Variants in LCORL observed in about 807,000 individuals in gnomAD.
LCORL encodes the protein ligand-dependent nuclear receptor corepressor-like protein.
A neutral mutation model predicts 141.8 loss-of-function variants in LCORL; 41 were observed. The ratio of observed to expected loss-of-function variants is 0.29; its 90% CI spans 0.23 to 0.38. The LOEUF (loss-of-function observed/expected upper bound fraction) is 0.38, where lower values mean the gene tolerates loss of function less well. LCORL is among the 10% of genes least tolerant of loss of function. The pLI, the probability that LCORL is intolerant of heterozygous loss-of-function variation, is 1.00. For missense variants in LCORL, 1,759 were observed against 2,035.0 expected (o/e 0.86, Z 2.61); for synonymous variants, 618 against 694.1 (o/e 0.89, Z 1.72).
exon 2 of LCORL, chr4:17,972,846 A>G: frequency 6.9e-7 from 1 of 1,439,780 alleles, no homozygotes; most frequent in Non-Finnish European, 9.1e-7. Flanking sequence ...GTCTCTTCGT[A>G]GCCGTGGTCC....
At chr4:17,857,637 GT>G (rs1200803617) in intron 7 of LCORL, among the ~76,000 whole-genome samples, 11 of 152,182 alleles carry the variant, frequency 7.2e-5, no homozygotes, top group Non-Finnish European at 5.9e-5. Flanking sequence ...ATAATTCTTT[GT>G]TTTGGGGGGC....
exon 7 of LCORL, chr4:17,874,442 C>T: frequency 8.1e-7 from 1 of 1,233,818 alleles, no homozygotes; most frequent in African/African-American, 1.5e-5. Flanking sequence ...GTGAAAGAGA[C>T]TGTGTTTCTG....
At chr4:17,928,228 A>G (rs1410676436) in intron 4 of LCORL, among the ~76,000 whole-genome samples, 1 of 152,096 alleles carries the variant, frequency 6.6e-6, no homozygotes, top group Non-Finnish European at 1.5e-5. Context: ...GCAGTATGGT[A>G]AAACACCGTC....
At chr4:18,002,109 A>G (rs1431126176) in intron 1 of LCORL, among the ~76,000 whole-genome samples, 2 of 152,204 alleles carry the variant, frequency 1.3e-5, no homozygotes, top group Non-Finnish European at 2.9e-5. Context: ...AAACATTTTC[A>G]TTAAGTTATT....
chr4:17,907,087 T>C (rs1731760209), intron 5 of LCORL, among the ~76,000 whole-genome samples: 2 of 152,222 alleles, frequency 1.3e-5, no homozygotes, highest in Non-Finnish European at 2.9e-5. Context: ...CTTAGAAATA[T>C]TCTTTCTTAT....
chr4:17,962,339 G>T (rs1002949307), intron 3 of LCORL, among the ~76,000 whole-genome samples: 7 of 151,488 alleles, frequency 4.6e-5, no homozygotes, highest in Non-Finnish European at 7.4e-5. Context: ...CTATCGGAGA[G>T]TTTTAACAAC....
intron 2 of LCORL, among the ~76,000 whole-genome samples, chr4:17,963,658 G>C (rs1714303670): frequency 6.6e-6 from 1 of 151,440 alleles, no homozygotes; most frequent in South Asian, 2.1e-4. Flanking sequence ...TTTTCCAGAA[G>C]AATATTCCTT....
exon 7 of LCORL, chr4:17,876,008 T>C: frequency 8.1e-7 from 1 of 1,231,016 alleles, no homozygotes. Context: ...GGGTTGTAGG[T>C]TTTTCAGAAG....
At chr4:17,846,538 G>A (rs1722958486) in intron 7 of LCORL, among the ~76,000 whole-genome samples, 1 of 152,158 alleles carries the variant, frequency 6.6e-6, no homozygotes, top group African/African-American at 2.4e-5. Context: ...GCTCATCAGA[G>A]GAGCATGCGG....
chr4:17,920,501 G>GGGGT (rs1734114930), intron 4 of LCORL, among the ~76,000 whole-genome samples: 1 of 152,146 alleles, frequency 6.6e-6, no homozygotes, highest in Non-Finnish European at 1.5e-5. Context: ...GCTGAAGGGT[G>GGGGT]GGGTGGCTGT....
intron 1 of LCORL, among the ~76,000 whole-genome samples, chr4:18,009,488 C>T (rs539042697): frequency 3.3e-5 from 5 of 152,096 alleles, no homozygotes; most frequent in South Asian, 2.1e-4. Context: ...CATATTGTAC[C>T]GAGCTCCACT....
At chr4:17,898,529 T>C (rs1730336087) in intron 5 of LCORL, among the ~76,000 whole-genome samples, 1 of 152,164 alleles carries the variant, frequency 6.6e-6, no homozygotes, top group African/African-American at 2.4e-5. Flanking sequence ...GTCGTTAGTT[T>C]TTGGCTTATC....
intron 7 of LCORL, among the ~76,000 whole-genome samples, chr4:17,857,280 G>A (rs1419300750): frequency 6.6e-6 from 1 of 152,108 alleles, no homozygotes; most frequent in Non-Finnish European, 1.5e-5. Context: ...GGGGAGAAAG[G>A]AGAGAGAAGG....
chr4:17,972,386 A>T (rs976219963), intron 2 of LCORL, among the ~76,000 whole-genome samples: 4 of 151,878 alleles, frequency 2.6e-5, no homozygotes, highest in Non-Finnish European at 5.9e-5. Context: ...AAAAGAACAA[A>T]CAAAAGTAAA....
chr4:17,844,288 A>G (rs1000767303), exon 8 of LCORL: 5 of 152,324 alleles, frequency 3.3e-5, no homozygotes, highest in African/African-American at 1.2e-4. Flanking sequence ...CTTGTACTAT[A>G]TGAAATTGGT....
At chr4:17,848,504 C>T (rs536016143) in intron 7 of LCORL, among the ~76,000 whole-genome samples, 2 of 152,308 alleles carry the variant, frequency 1.3e-5, no homozygotes, top group African/African-American at 2.4e-5. Flanking sequence ...TGTGTGCCAC[C>T]ACACCCAAAT....
exon 7 of LCORL, chr4:17,873,681 C>G: frequency 8.1e-7 from 1 of 1,233,864 alleles, no homozygotes; most frequent in Admixed American, 4.2e-5. Flanking sequence ...TAAAGTAAAG[C>G]GCTTTGATTC....
At chr4:17,845,641 T>C in exon 8 of LCORL, 1 of 995,090 alleles carries the variant, frequency 1.0e-6, no homozygotes, top group Non-Finnish European at 1.5e-6. Context: ...TAGAAATACT[T>C]CAAGATCAAT....
exon 8 of LCORL, chr4:17,841,538 A>T (rs1722403769): frequency 6.6e-6 from 1 of 152,006 alleles, no homozygotes; most frequent in South Asian, 2.1e-4. Context: ...AAAGTGTAAC[A>T]TGAATGAAGT....
Sources: gnomAD v4.1 joint callset for allele counts (sites outside exome capture counted in the v4.1 genomes callset) on GRCh38, gnomAD v4.1.1 for gene constraint, MANE v1.5 for transcripts, NCBI Gene and HGNC (gene_info 2026-07-23, HGNC 2026-07-21) for gene names.